Variants in EMC10 observed in about 807,000 individuals in gnomAD.
The protein encoded by EMC10 is ER membrane protein complex subunit 10.
A neutral mutation model predicts 32.2 loss-of-function variants in EMC10; 40 were observed. The observed-to-expected ratio is 1.24, with a 90% CI of 0.96 to 1.61. The LOEUF is 1.61. EMC10 is among the 40% of genes most tolerant of loss of function. The probability of loss-of-function intolerance (pLI) is 0.00; values close to 1 mark genes in which losing one functional copy is unlikely to be tolerated. For missense variants in EMC10, 402 were observed against 357.7 expected (o/e 1.12, Z -1.00); for synonymous variants, 178 against 158.4 (o/e 1.12, Z -0.93).
intron 1 of EMC10, among the ~76,000 whole-genome samples, chr19:50,477,597 A>G (rs2040248373): frequency 6.6e-6 from 1 of 152,174 alleles, no homozygotes; most frequent in South Asian, 2.1e-4. Context: ...CCATTTGAAT[A>G]TTAGCATGAA....
chr19:50,480,777 C>A lies in EMC10; in HGVS notation c.584+15C>A, dbSNP rs769468914. 6 of 1,574,166 alleles carry A rather than the reference C, an allele frequency of 3.8e-6. No homozygotes were observed. The African/African-American group carries it at 6.7e-5, about 18-fold the overall frequency. On this transcript the variant is annotated intron_variant, in intron 5 of 6. Transcript: ENST00000334976. The surrounding 1 kb of genome is among the most constrained non-coding windows in gnomAD (Gnocchi z 4.4). ...ACAGCCCCAGGGTGAGCCTCTGCTGCCTTCGCGGCGCTCTTGCCACCTGCC... is the reference window on the plus strand; with the variant it reads ...ACAGCCCCAGGGTGAGCCTCTGCTGACTTCGCGGCGCTCTTGCCACCTGCC...
chr19:50,478,321 C>T (rs1024722233), intron 2 of EMC10, among the ~76,000 whole-genome samples: 1 of 152,184 alleles, frequency 6.6e-6, no homozygotes, highest in Non-Finnish European at 1.5e-5. Flanking sequence ...TCACAGCAGC[C>T]ATGTGAGGTG....
In EMC10 at chr19:50,483,025, C is replaced by T. The variant is rs937438756; in HGVS notation, c.*766C>T. The T allele has an allele frequency of 1.8e-6, 1 of 559,694 alleles. No individual in the cohort carries two copies. Among genetic ancestry groups the T allele is most frequent in the Non-Finnish European group, 3.4e-6 (1 of 296,116 alleles). The allele number at this position is 559,694 out of a possible 1,614,324, so 34.7% of individuals were successfully genotyped here. On this transcript the variant is annotated 3_prime_UTR_variant, in exon 7 of 7. Transcript: ENST00000334976. ...TGTAAATAGAACCCCCTCCACCACC[C>T]CCCGCCGCCCAGCATCCTACCTGGA... is the stretch of plus-strand genomic sequence containing the variant.
chr19:50,483,158 A>G lies in EMC10; in HGVS notation c.*899A>G, dbSNP rs950049396. 1 of 459,308 alleles carries G rather than the reference A, an allele frequency of 2.2e-6. No homozygotes were observed. The highest frequency in any genetic ancestry group is 4.4e-6 in the Non-Finnish European group (1 of 229,170). The allele number at this position is 459,308 out of a possible 1,614,324, so 28.5% of individuals were successfully genotyped here. ...AAATGTGTGAACGTTTTGAAAAGCTACAGCTTCCAGCAGCCAAAAGCAACT... is the reference window on the plus strand; with the variant it reads ...AAATGTGTGAACGTTTTGAAAAGCTGCAGCTTCCAGCAGCCAAAAGCAACT... On this transcript the variant is annotated 3_prime_UTR_variant, in exon 7 of 7. Coordinates refer to ENST00000334976, the MANE Select transcript of EMC10 (RefSeq NM_206538.4).
chr19:50,480,514 CG>C lies in EMC10; in HGVS notation c.403-62del. On this transcript the variant is annotated intron_variant, in intron 4 of 6. Transcript: ENST00000334976. The surrounding 1 kb of genome is among the most constrained non-coding windows in gnomAD (Gnocchi z 4.4). ...GCTCCGGGGGTCCTGTGGTGGGGGCCGGGGGAGGTTAGGGTGGAGCCCAGGC... is the reference window on the plus strand; with the variant it reads ...GCTCCGGGGGTCCTGTGGTGGGGGCCGGGGAGGTTAGGGTGGAGCCCAGGC... 2.0e-6 allele frequency: 3 copies of C among 1,512,598 alleles called. No homozygotes were observed. Among genetic ancestry groups the C allele is most frequent in the South Asian group, 1.2e-5 (1 of 81,080 alleles). The allele number at this position is 1,512,598 out of a possible 1,614,324, so 93.7% of individuals were successfully genotyped here. A position where few individuals can be genotyped will look rare whatever the true frequency, so the allele number is the denominator to read the frequency against.
Position 50,482,820 on chromosome 19 carries a change from G to A in EMC10, c.*561G>A. Reference sequence around the variant, plus strand: ...AAAGAGTCGGGGCTGGATGGCCGGGGGCTTCTGGGCCCGACGCCTAGTGCA... The same window carrying A: ...AAAGAGTCGGGGCTGGATGGCCGGGAGCTTCTGGGCCCGACGCCTAGTGCA... On this transcript the variant is annotated 3_prime_UTR_variant, in exon 7 of 7. Coordinates refer to ENST00000334976, the MANE Select transcript of EMC10 (RefSeq NM_206538.4). The A allele has an allele frequency of 1.9e-6, 1 of 521,816 alleles. No homozygotes were observed. Among genetic ancestry groups the A allele is most frequent in the South Asian group, 3.2e-5 (1 of 31,588 alleles). The allele number at this position is 521,816 out of a possible 1,614,324, so 32.3% of individuals were successfully genotyped here.
chr19:50,480,018 G>A lies in EMC10; in HGVS notation c.298-93G>A, dbSNP rs2040291263. On this transcript the variant is annotated intron_variant, in intron 3 of 6. Transcript: ENST00000334976. This position sits in a 1 kb window ranked among gnomAD's most constrained non-coding sequence, Gnocchi z 4.4. ...TGTGGGCCGTGAGGTGGGTGGGGCT[G>A]GAGAGGGGCCTTCGCGGAGGCCTGG... 5.9e-6 allele frequency: 6 copies of A among 1,011,456 alleles called. No homozygotes were observed. The highest frequency in any genetic ancestry group is 2.9e-6 in the Non-Finnish European group (2 of 687,548). 62.7% of individuals were successfully genotyped at this position (1,011,456 alleles called of 1,614,324 possible).
Position 50,483,028 on chromosome 19 carries a change from C to G in EMC10, c.*769C>G, listed in dbSNP as rs542009114. On this transcript the variant is annotated 3_prime_UTR_variant, in exon 7 of 7. Transcript: ENST00000334976. ...AAATAGAACCCCCTCCACCACCCCC[C>G]GCCGCCCAGCATCCTACCTGGACTG... 2 of 556,754 alleles carry G rather than the reference C, an allele frequency of 3.6e-6. No individual in the cohort carries two copies. Among genetic ancestry groups the G allele is most frequent in the African/African-American group, 1.9e-5 (1 of 53,790 alleles). 34.5% of individuals were successfully genotyped at this position (556,754 alleles called of 1,614,324 possible).
At position 50,480,837 on chromosome 19, in the gene EMC10, C is replaced by T. The variant is rs748301894; in HGVS notation, c.585-47C>T. The T allele has an allele frequency of 4.5e-6, 7 of 1,571,480 alleles. No homozygotes were observed. The South Asian group carries it at 8.2e-5, about 18-fold the overall frequency. ...CCTGGCGGCCTCAGGGTCTCCAGGTCCCTGGACTCCGGGCCTCACCCTTCT... is the reference window on the plus strand; with the variant it reads ...CCTGGCGGCCTCAGGGTCTCCAGGTTCCTGGACTCCGGGCCTCACCCTTCT... On this transcript the variant is annotated intron_variant, in intron 5 of 6. Coordinates refer to ENST00000334976, the MANE Select transcript of EMC10 (RefSeq NM_206538.4). This position sits in a 1 kb window ranked among gnomAD's most constrained non-coding sequence, Gnocchi z 4.4.
At chr19:50,481,023 C>A in intron 6 of EMC10, 46 bp downstream of exon 6, 1 of 1,488,180 alleles carries the variant, frequency 6.7e-7, no homozygotes, top group East Asian at 2.3e-5. Flanking sequence ...CTGACAGTCC[C>A]GGTGCCTGGC....
At chr19:50,476,908 C>G (rs2122653237) in intron 1 of EMC10, 4 of 360,848 alleles carry the variant, frequency 1.1e-5, no homozygotes, top group African/African-American at 2.2e-5. Context: ...TATGAGGGGG[C>G]GGGGCTGGGG....
intron 1 of EMC10, 82 bp from the exon 2 acceptor site, chr19:50,477,847 C>CT (rs1428046582): frequency 9.2e-7 from 1 of 1,082,156 alleles, no homozygotes; most frequent in African/African-American, 1.6e-5. Flanking sequence ...GCCCACCAGT[C>CT]TGTCTGTCCT....
chr19:50,481,771 G>C, intron 6 of EMC10: 2 of 1,157,170 alleles, frequency 1.7e-6, no homozygotes, highest in Non-Finnish European at 1.2e-6. Flanking sequence ...GCCCTGCCCT[G>C]CTGCCCACTC....
At chr19:50,478,678 G>T (rs1247205376) in intron 2 of EMC10, among the ~76,000 whole-genome samples, 2 of 152,210 alleles carry the variant, frequency 1.3e-5, no homozygotes, top group Non-Finnish European at 2.9e-5. Flanking sequence ...GGAAGCTGAG[G>T]CTCAGAGAGG....
Position 50,483,334 on chromosome 19 carries a change from C to T in EMC10, c.*1075C>T, listed in dbSNP as rs570919463. ...GTTGTGTGGCAGTTTATTAAACTGT[C>T]CCCCAGATCGACACGCAGCTAGCCT... On this transcript the variant is annotated 3_prime_UTR_variant, in exon 7 of 7. Coordinates refer to ENST00000334976, the MANE Select transcript of EMC10 (RefSeq NM_206538.4). 3.3e-6 allele frequency: 1 copy of T among 305,500 alleles called. No homozygotes were observed. Among genetic ancestry groups the T allele is most frequent in the African/African-American group, 3.5e-5 (1 of 28,380 alleles). The allele number at this position is 305,500 out of a possible 1,614,324, so 18.9% of individuals were successfully genotyped here.
chr19:50,483,495 G>A lies in EMC10; in HGVS notation c.*1236G>A, dbSNP rs1475843594. On this transcript the variant is annotated 3_prime_UTR_variant, in exon 7 of 7. Transcript: ENST00000334976. ...AGATCGGAAACGCGTTTATAAACAA[G>A]TGATGGTTTGTGAGTCGACTGTCAA... 9.1e-5 allele frequency: 16 copies of A among 175,762 alleles called. No individual in the cohort carries two copies. Among genetic ancestry groups the A allele is most frequent in the Non-Finnish European group, 1.2e-5 (1 of 82,710 alleles). The allele number at this position is 175,762 out of a possible 1,614,324, so 10.9% of individuals were successfully genotyped here.
chr19:50,478,286 T>C (rs998203586), intron 2 of EMC10, among the ~76,000 whole-genome samples: 2 of 152,192 alleles, frequency 1.3e-5, no homozygotes, highest in African/African-American at 2.4e-5. Flanking sequence ...GGTTCCACGC[T>C]TTGCAAGTAT....
intron 1 of EMC10, among the ~76,000 whole-genome samples, 159 bp from the exon 2 acceptor site, chr19:50,477,770 A>G (rs1478961982): frequency 6.6e-6 from 1 of 152,118 alleles, no homozygotes; most frequent in East Asian, 1.9e-4. Context: ...TATTCATGAA[A>G]TGGGTGGTTT....
intron 6 of EMC10, 88 bp from the exon 7 acceptor site, chr19:50,482,061 C>A: frequency 6.9e-7 from 1 of 1,444,142 alleles, no homozygotes. Flanking sequence ...TGCCGGTCCC[C>A]ACCGTGGGTG....
Sources: allele counts gnomAD v4.1 joint callset (sites outside exome capture counted in the v4.1 genomes callset), GRCh38; gene constraint gnomAD v4.1.1; non-coding constraint Gnocchi (gnomAD v3.1); transcripts MANE v1.5; gene names NCBI Gene and HGNC (gene_info 2026-07-23, HGNC 2026-07-21).